Variants in MAX observed in about 807,000 individuals in gnomAD.
MAX encodes the protein MYC associated transcriptional regulator X.
MAX carries 3 observed loss-of-function variants against 22.3 expected under a neutral mutation model. The observed-to-expected ratio is 0.13, with a 90% CI of 0.06 to 0.35. The LOEUF is 0.35. MAX is among the 10% of genes least tolerant of loss of function. MAX has a pLI of 1.00. For synonymous variants in MAX, 72 were observed against 77.7 expected (o/e 0.93, Z 0.39); for missense variants, 119 against 209.4 (o/e 0.57, Z 2.66).
chr14:65,025,226 A>G lies in MAX; in HGVS notation c.172-18942T>C, dbSNP rs147295130. 1.1e-4 allele frequency among the ~76,000 whole-genome samples: 16 copies of G among 152,230 alleles called. No homozygotes were observed. In the East Asian group the frequency reaches 2.9e-3, roughly 28 times the overall value. ...TGTCTGGTACATTCAGATCCTAACTAATTCGAGGCTTTAGGGTCAGTAGTG... is the reference window on the plus strand; with the variant it reads ...TGTCTGGTACATTCAGATCCTAACTGATTCGAGGCTTTAGGGTCAGTAGTG... On this transcript the variant is annotated intron_variant, in intron 3 of 3. Coordinates refer to the MAX transcript ENST00000341653.
intron 3 of MAX, among the ~76,000 whole-genome samples, chr14:65,040,604 C>CTT (rs35890649): frequency 0.029 from 3,415 of 117,194 alleles, 125 homozygotes; most frequent in African/African-American, 0.078. Flanking sequence ...CCAGGCCCAG[C>CTT]TTTTTTTTTT....
chr14:65,057,638 C>T (rs1040301181), intron 3 of MAX, among the ~76,000 whole-genome samples: 11 of 152,126 alleles, frequency 7.2e-5, no homozygotes, highest in Non-Finnish European at 1.6e-4. Flanking sequence ...ATGAACAAGG[C>T]AATGCAGCAA....
intron 3 of MAX, among the ~76,000 whole-genome samples, chr14:65,042,562 CT>C (rs886682831): frequency 6.6e-6 from 1 of 152,204 alleles, no homozygotes; most frequent in African/African-American, 2.4e-5. Context: ...TTAAGCTTCA[CT>C]GGCTCACCCA....
chr14:65,033,389 G>A (rs1375787129), intron 3 of MAX, among the ~76,000 whole-genome samples: 6 of 152,190 alleles, frequency 3.9e-5, no homozygotes, highest in African/African-American at 1.2e-4. Flanking sequence ...AGTGATTCCC[G>A]CTGAGGGGAG....
At chr14:65,055,547 C>CA (rs1485063373) in intron 3 of MAX, among the ~76,000 whole-genome samples, 1 of 151,640 alleles carries the variant, frequency 6.6e-6, no homozygotes, top group Non-Finnish European at 1.5e-5. Flanking sequence ...GACAAAGTCT[C>CA]ACTCTGTCAC....
rs546402671 is a variant in MAX, at chr14:65,006,369, T to C, written c.172-85A>G. On this transcript the variant is annotated intron_variant, in intron 3 of 3. Coordinates refer to the MAX transcript ENST00000341653. ...AAACCAAATCTCTGCATTAACCCAA[T>C]GCTCTGACCTCAATAAAATGAATTA... 205 of 1,560,000 alleles carry C rather than the reference T, an allele frequency of 1.3e-4. 2 individuals are homozygous for C. In the South Asian group the frequency reaches 2.2e-3, roughly 17 times the overall value.
intron 3 of MAX, among the ~76,000 whole-genome samples, chr14:65,080,044 T>C (rs2063164054): frequency 6.6e-6 from 1 of 152,204 alleles, no homozygotes; most frequent in African/African-American, 2.4e-5. Flanking sequence ...TACATGGAAA[T>C]ATCACAGGGC....
rs940320294 is a variant in MAX at position 65,012,037 on chromosome 14, G to A, written c.172-5753C>T. On this transcript the variant is annotated intron_variant, in intron 3 of 3. Transcript: ENST00000341653. This position sits in a 1 kb window ranked among gnomAD's most constrained non-coding sequence, Gnocchi z 5.0. ...TTGCCTGGCTGCGTGTGCTCATTGCGGCTTTTCCGTTAGCCCAAAGTCACT... is the reference window on the plus strand; with the variant it reads ...TTGCCTGGCTGCGTGTGCTCATTGCAGCTTTTCCGTTAGCCCAAAGTCACT... The A allele has an allele frequency of 3.1e-5, 11 of 350,556 alleles. No individual in the cohort carries two copies. Among genetic ancestry groups the A allele is most frequent in the South Asian group, 1.2e-4 (4 of 32,076 alleles). The allele number at this position is 350,556 out of a possible 1,614,324, so 21.7% of individuals were successfully genotyped here. A position where few individuals can be genotyped will look rare whatever the true frequency, so the allele number is the denominator to read the frequency against.
chr14:65,041,553 AC>A (rs1238217631), intron 3 of MAX, among the ~76,000 whole-genome samples: 1 of 152,036 alleles, frequency 6.6e-6, no homozygotes, highest in Non-Finnish European at 1.5e-5. Context: ...GGGAGCATGT[AC>A]CCCCTGACCA....
At chr14:65,099,531 C>A (rs1411997287) in intron 2 of MAX, among the ~76,000 whole-genome samples, 26 of 143,606 alleles carry the variant, frequency 1.8e-4, no homozygotes, top group South Asian at 4.3e-4. Context: ...AAAATTTCAC[C>A]AAAAAAACAA....
rs753247051 is a variant in MAX, at chr14:65,009,115, A to C, written c.172-2831T>G. ...TACCTTTTCTTTCTTAACTTCCTAC[A>C]CAGAAAAGATTTTTGGATAGAGGTG... is the stretch of plus-strand genomic sequence containing the variant. On this transcript the variant is annotated intron_variant, in intron 3 of 3. Transcript: ENST00000341653. This position sits in a 1 kb window ranked among gnomAD's most constrained non-coding sequence, Gnocchi z 4.2. Among the ~76,000 whole-genome samples, 1 of 152,162 alleles carries C rather than the reference A, an allele frequency of 6.6e-6. No homozygotes were observed. The highest frequency in any genetic ancestry group is 1.5e-5 in the Non-Finnish European group (1 of 68,024).
At position 65,084,035 on chromosome 14, in the gene MAX, C is replaced by T. The variant is rs1035802601; in HGVS notation, c.172-5999G>A. 6.3e-7 allele frequency: 1 copy of T among 1,585,412 alleles called. No individual in the cohort carries two copies. The highest frequency in any genetic ancestry group is 1.3e-5 in the African/African-American group (1 of 74,320). On this transcript the variant is annotated intron_variant, in intron 3 of 4. Coordinates refer to ENST00000358664, the MANE Select transcript of MAX (RefSeq NM_002382.5). The surrounding 1 kb of genome is among the most constrained non-coding windows in gnomAD (Gnocchi z 4.3). ...CCAGAGTCAGCACAGACCCATGGCT[C>T]CTTGAAGGCTTCCTGCTGCCAGGGC...
intron 3 of MAX, among the ~76,000 whole-genome samples, chr14:65,038,865 C>T (rs2062277217): frequency 6.6e-6 from 1 of 152,144 alleles, no homozygotes; most frequent in African/African-American, 2.4e-5. Flanking sequence ...TAGTTTTCCT[C>T]CCTGACTACT....
chr14:65,066,635 A>G (rs1595118167), intron 3 of MAX, among the ~76,000 whole-genome samples: 1 of 152,068 alleles, frequency 6.6e-6, no homozygotes, highest in Non-Finnish European at 1.5e-5. Context: ...CAGGCAGATC[A>G]CCTAAGGTTG....
Position 65,054,038 on chromosome 14 carries a change from G to A in MAX, c.171+39670C>T, listed in dbSNP as rs1057089458. Among the ~76,000 whole-genome samples the A allele has an allele frequency of 1.3e-5, 2 of 152,082 alleles. No individual in the cohort carries two copies. The highest frequency in any genetic ancestry group is 4.8e-5 in the African/African-American group (2 of 41,408). On this transcript the variant is annotated intron_variant, in intron 3 of 3. Transcript: ENST00000341653. The surrounding 1 kb of genome is among the most constrained non-coding windows in gnomAD (Gnocchi z 4.4). ...ATTACAGTTTCCTTTAATAGTTTAA[G>A]GTAAAAAAAGAAAGAAAAGAAAAAA...
At chr14:65,099,976 C>T (rs868075722) in intron 2 of MAX, among the ~76,000 whole-genome samples, 5 of 152,168 alleles carry the variant, frequency 3.3e-5, no homozygotes, top group African/African-American at 1.2e-4. Flanking sequence ...TTTGCTTGCT[C>T]TAATGAAGAG....
At chr14:65,037,880 A>C (rs1027467505) in intron 3 of MAX, among the ~76,000 whole-genome samples, 12 of 150,996 alleles carry the variant, frequency 7.9e-5, no homozygotes, top group Non-Finnish European at 1.6e-4. Context: ...CCCAGGTTCA[A>C]GCGATTCTCC....
At chr14:65,018,623 A>G (rs1013453645) in intron 3 of MAX, among the ~76,000 whole-genome samples, 2 of 152,084 alleles carry the variant, frequency 1.3e-5, no homozygotes, top group East Asian at 3.9e-4. Context: ...CAGCCTGGCC[A>G]ACATGGGGAA....
At chr14:65,046,217 C>G (rs189363820) in intron 3 of MAX, among the ~76,000 whole-genome samples, 53 of 152,302 alleles carry the variant, frequency 3.5e-4, no homozygotes, top group East Asian at 3.3e-3. Flanking sequence ...CTCAGGTGAT[C>G]TGTCCGCCTT....
Sources: allele counts gnomAD v4.1 joint callset (sites outside exome capture counted in the v4.1 genomes callset), GRCh38; gene constraint gnomAD v4.1.1; non-coding constraint Gnocchi (gnomAD v3.1); transcripts MANE v1.5; gene names NCBI Gene and HGNC (gene_info 2026-07-23, HGNC 2026-07-21).